ICA1: variants seen among roughly 807,000 people sequenced by gnomAD.
ICA1 encodes the protein 69 kDa islet cell autoantigen.
ICA1 carries 40 observed loss-of-function variants against 71.0 expected under a neutral mutation model. That is an observed-to-expected ratio of 0.56 (90% confidence interval 0.44 to 0.73). The LOEUF (loss-of-function observed/expected upper bound fraction) is 0.73, where lower values mean the gene tolerates loss of function less well. Ranked by LOEUF, ICA1 falls within the 30% of genes least tolerant of loss-of-function variation. The probability of loss-of-function intolerance (pLI) is 0.00; values close to 1 mark genes in which losing one functional copy is unlikely to be tolerated. For missense variants in ICA1, 578 were observed against 576.5 expected, an observed-to-expected ratio of 1.00 and a Z score of -0.03; for synonymous variants, 207 against 209.5, an observed-to-expected ratio of 0.99 and a Z score of 0.10.
At position 8,232,692 on chromosome 7, in the gene ICA1, T is replaced by G; in HGVS notation, c.81A>C (p.Gln27His). The G allele has an allele frequency of 6.2e-7, 1 of 1,612,704 alleles. No homozygotes were observed. Among genetic ancestry groups the G allele is most frequent in the Non-Finnish European group, 8.5e-7 (1 of 1,179,338 alleles). ...AQDKSVVNKM[Q>H]QKYWETKQAF... ...CCTGCTTCGTCTCCCAATATTTCTG[T>G]TGCATCTTATTTACAACTGACTTAT... The change falls in exon 3 of 14, where the codon CAA becomes CAC. Residue 27 changes from glutamine (Q) to histidine (H), a missense_variant. By Grantham distance (24) the Gln-to-His change is conservative. Coordinates refer to ENST00000402384, the MANE Select transcript of ICA1 (RefSeq NM_001136020.3).
chr7:8,227,851 G>C, intron 4 of ICA1: 1 of 451,450 alleles, frequency 2.2e-6, no homozygotes, highest in Non-Finnish European at 4.5e-6. Context: ...CTCCTAAAAT[G>C]CTGGGATTAC....
At chr7:8,127,395 G>A (rs117541361) in intron 13 of ICA1, among the ~76,000 whole-genome samples, 18 of 152,210 alleles carry the variant, frequency 1.2e-4, no homozygotes, top group Non-Finnish European at 2.5e-4. Context: ...TGGATCTAGT[G>A]GGGGGTCCTC....
chr7:8,209,833 C>T (rs1351087487), intron 6 of ICA1, among the ~76,000 whole-genome samples: 1 of 152,108 alleles, frequency 6.6e-6, no homozygotes, highest in Non-Finnish European at 1.5e-5. Flanking sequence ...AGAAACAGAG[C>T]CTGCAAAGGT....
At chr7:8,185,564 C>T (rs974220784) in intron 6 of ICA1, among the ~76,000 whole-genome samples, 1 of 152,226 alleles carries the variant, frequency 6.6e-6, no homozygotes, top group African/African-American at 2.4e-5. Flanking sequence ...CACATCAATA[C>T]ATTTTACCAA....
chr7:8,218,656 A>G, intron 5 of ICA1, 153 bp from the exon 6 acceptor site: 1 of 664,168 alleles, frequency 1.5e-6, no homozygotes, highest in Non-Finnish European at 2.7e-6. Flanking sequence ...ATCGAAATGC[A>G]TGTAGTTCCA....
chr7:8,156,165 C>T (rs935199777), intron 8 of ICA1, among the ~76,000 whole-genome samples: 23 of 152,214 alleles, frequency 1.5e-4, no homozygotes, highest in African/African-American at 5.5e-4. Flanking sequence ...ATTTTAAGGG[C>T]CAGGGTCTTA....
intron 1 of ICA1, among the ~76,000 whole-genome samples, chr7:8,238,288 C>T (rs761467235): frequency 2.6e-5 from 4 of 152,228 alleles, no homozygotes; most frequent in Non-Finnish European, 5.9e-5. Context: ...ACTTTCTCCA[C>T]ATCCTTGTTA....
chr7:8,189,141 C>T (rs1300571117), intron 6 of ICA1, among the ~76,000 whole-genome samples: 1 of 152,176 alleles, frequency 6.6e-6, no homozygotes, highest in East Asian at 1.9e-4. Flanking sequence ...AAAGATCTGT[C>T]TCCCCAAGTA....
chr7:8,186,844 C>T (rs1403312919), intron 6 of ICA1, among the ~76,000 whole-genome samples: 2 of 152,118 alleles, frequency 1.3e-5, no homozygotes, highest in African/African-American at 4.8e-5. Context: ...GAGTTGTATT[C>T]TTATTCCAGT....
Position 8,139,123 on chromosome 7 carries a change from G to T in ICA1, c.956-76C>A. The T allele has an allele frequency of 4.4e-6, 5 of 1,131,936 alleles. No individual in the cohort carries two copies. The South Asian group carries it at 6.5e-5, about 15-fold the overall frequency. 70.1% of individuals were successfully genotyped at this position (1,131,936 alleles called of 1,614,324 possible). A position where few individuals can be genotyped will look rare whatever the true frequency, so the allele number is the denominator to read the frequency against. ...TGTTCATACGCTATTGCAGTGTAAG[G>T]TAAATGCACGGCTTCAGGAAGAAAT... is the stretch of plus-strand genomic sequence containing the variant. On this transcript the variant is annotated intron_variant, in intron 10 of 13. Coordinates refer to ENST00000402384, the MANE Select transcript of ICA1 (RefSeq NM_001136020.3).
rs115740989 is a variant in ICA1 at position 8,162,321 on chromosome 7, C to A, written c.580-3669G>T. 6.9e-3 allele frequency among the ~76,000 whole-genome samples: 1,055 copies of A among 152,298 alleles called. 18 individuals are homozygous for A. The highest frequency in any genetic ancestry group is 0.025 in the African/African-American group (1,023 of 41,562). ...CTGAAAGGCCATATGCTTTGTATGT[C>A]AACAATGATTATTAAAATACTTAAT... On this transcript the variant is annotated intron_variant, in intron 6 of 13. Coordinates refer to ENST00000402384, the MANE Select transcript of ICA1 (RefSeq NM_001136020.3).
intron 1 of ICA1, among the ~76,000 whole-genome samples, chr7:8,261,820 T>TACCGCTCCCCC (rs891668706): frequency 2.0e-5 from 3 of 152,024 alleles, no homozygotes; most frequent in African/African-American, 7.2e-5. Context: ...AACGCTTCCC[T>TACCGCTCCCCC]ACCGCTCCCC....
intron 6 of ICA1, among the ~76,000 whole-genome samples, chr7:8,210,805 C>A (rs533548122): frequency 6.6e-6 from 1 of 152,274 alleles, no homozygotes; most frequent in African/African-American, 2.4e-5. Flanking sequence ...ATCTCTGCCA[C>A]CCAGGCTCAA....
intron 6 of ICA1, among the ~76,000 whole-genome samples, chr7:8,217,693 A>T (rs1418895465): frequency 6.6e-6 from 1 of 152,206 alleles, no homozygotes; most frequent in African/African-American, 2.4e-5. Context: ...TTGTATGACA[A>T]AATCAAACTG....
At chr7:8,239,608 G>A (rs1043383746) in intron 1 of ICA1, among the ~76,000 whole-genome samples, 11 of 152,348 alleles carry the variant, frequency 7.2e-5, no homozygotes, top group African/African-American at 2.6e-4. Flanking sequence ...TCTCACCCAG[G>A]AAGTGCAAGG....
chr7:8,191,719 T>C (rs1785711598), intron 6 of ICA1, among the ~76,000 whole-genome samples: 1 of 151,922 alleles, frequency 6.6e-6, no homozygotes, highest in Non-Finnish European at 1.5e-5. Context: ...ATATTACATA[T>C]TATTATAATA....
intron 6 of ICA1, among the ~76,000 whole-genome samples, chr7:8,209,003 T>C (rs1792654391): frequency 6.6e-6 from 1 of 152,188 alleles, no homozygotes; most frequent in Non-Finnish European, 1.5e-5. Context: ...GTTTTGACTG[T>C]TGTCATCCAT....
chr7:8,246,539 G>C lies in ICA1; in HGVS notation c.-79-10534C>G, dbSNP rs547954112. Reference sequence around the variant, plus strand: ...TGAGACTACCAACCTAATCCCTTTAGATTTTCCTAGACTGCACCTTGATGG... The same window carrying C: ...TGAGACTACCAACCTAATCCCTTTACATTTTCCTAGACTGCACCTTGATGG... On this transcript the variant is annotated intron_variant, in intron 1 of 13. Coordinates refer to ENST00000402384, the MANE Select transcript of ICA1 (RefSeq NM_001136020.3). Among the ~76,000 whole-genome samples the C allele has an allele frequency of 4.0e-4, 61 of 152,246 alleles. 1 individual carries two copies. Among genetic ancestry groups the C allele is most frequent in the Admixed American group, 9.2e-4 (14 of 15,288 alleles).
At chr7:8,185,351 C>A (rs145562637) in intron 6 of ICA1, among the ~76,000 whole-genome samples, 240 of 152,298 alleles carry the variant, frequency 1.6e-3, no homozygotes, top group East Asian at 0.011. Flanking sequence ...CATCCATTCA[C>A]CCATCCATGC....
Sources: gnomAD v4.1 joint callset for allele counts (sites outside exome capture counted in the v4.1 genomes callset) on GRCh38, gnomAD v4.1.1 for gene constraint, MANE v1.5 for transcripts, NCBI Gene and HGNC (gene_info 2026-07-23, HGNC 2026-07-21) for gene names.